Variants in RBFOX1 observed in about 807,000 individuals in gnomAD.
RBFOX1 encodes RNA binding protein fox-1 homolog 1.
RBFOX1 carries 8 observed loss-of-function variants against 57.7 expected under a neutral mutation model. The ratio of observed to expected loss-of-function variants is 0.14; its 90% CI spans 0.08 to 0.25. The LOEUF is 0.25. RBFOX1 is among the 10% of genes least tolerant of loss of function. The probability of loss-of-function intolerance (pLI) is 1.00; values close to 1 mark genes in which losing one functional copy is unlikely to be tolerated. For missense variants in RBFOX1, 611 were observed against 548.5 expected, an observed-to-expected ratio of 1.11 and a Z score of -1.14; for synonymous variants, 326 against 222.4, an observed-to-expected ratio of 1.47 and a Z score of -4.15.
At chr16:6,515,890 T>G (rs12931911) in intron 2 of RBFOX1, among the ~76,000 whole-genome samples, 33,210 of 152,186 alleles carry the variant, frequency 0.22, 4,172 homozygotes, top group Non-Finnish European at 0.29. Flanking sequence ...ATGTCAGCTT[T>G]GCATAATTTT....
At chr16:6,453,125 A>G (rs184856612) in intron 2 of RBFOX1, among the ~76,000 whole-genome samples, 2 of 151,800 alleles carry the variant, frequency 1.3e-5, no homozygotes, top group African/African-American at 2.4e-5. Context: ...TTTAATTATT[A>G]TCATCCTTTT....
intron 4 of RBFOX1, among the ~76,000 whole-genome samples, chr16:7,178,933 C>G (rs1317169312): frequency 1.3e-5 from 2 of 152,096 alleles, no homozygotes; most frequent in Non-Finnish European, 2.9e-5. Context: ...ATAGTGAAGT[C>G]TCTCTCTGTT....
At chr16:6,337,711 A>G (rs17139878) in intron 2 of RBFOX1, among the ~76,000 whole-genome samples, 1,740 of 152,320 alleles carry the variant, frequency 0.011, 28 homozygotes, top group African/African-American at 0.04. Context: ...TTGGCAAAAC[A>G]CATCTTTATA....
intron 4 of RBFOX1, among the ~76,000 whole-genome samples, chr16:7,134,543 C>A (rs1322045114): frequency 6.6e-6 from 1 of 152,100 alleles, no homozygotes; most frequent in Non-Finnish European, 1.5e-5. Context: ...TAATTTCATT[C>A]ACAGTTTCCA....
At chr16:6,636,877 A>C (rs1406506366) in intron 2 of RBFOX1, among the ~76,000 whole-genome samples, 55 of 131,860 alleles carry the variant, frequency 4.2e-4, no homozygotes, top group African/African-American at 1.5e-3. Flanking sequence ...TTATATGTTT[A>C]ATATATTTAT....
intron 1 of RBFOX1, among the ~76,000 whole-genome samples, chr16:5,393,860 A>G (rs1011223892): frequency 1.3e-5 from 2 of 152,056 alleles, no homozygotes; most frequent in African/African-American, 4.8e-5. Flanking sequence ...CACACCCATT[A>G]AACACTAACT....
At chr16:6,527,466 C>T (rs1320415238) in intron 2 of RBFOX1, among the ~76,000 whole-genome samples, 2 of 152,096 alleles carry the variant, frequency 1.3e-5, no homozygotes, top group African/African-American at 4.8e-5. Flanking sequence ...GCCTGTGAAA[C>T]ACGTGGATAA....
At chr16:6,654,134 A>T (rs1412454754) in intron 2 of RBFOX1, among the ~76,000 whole-genome samples, 1 of 151,836 alleles carries the variant, frequency 6.6e-6, no homozygotes, top group East Asian at 1.9e-4. Flanking sequence ...GTAGAGGACC[A>T]ATGAATGAAT....
At chr16:6,327,488 G>C (rs1286669547) in intron 2 of RBFOX1, among the ~76,000 whole-genome samples, 1 of 151,996 alleles carries the variant, frequency 6.6e-6, no homozygotes, top group Non-Finnish European at 1.5e-5. Flanking sequence ...TAATGGATTT[G>C]CTCATTTACA....
At chr16:5,271,748 C>T (rs1024757719) in intron 1 of RBFOX1, among the ~76,000 whole-genome samples, 7 of 152,172 alleles carry the variant, frequency 4.6e-5, no homozygotes, top group Admixed American at 2.0e-4. Flanking sequence ...TCTCCTATCC[C>T]CTACCTTTCC....
chr16:6,489,120 A>G (rs1007986304), intron 2 of RBFOX1, among the ~76,000 whole-genome samples: 5 of 152,080 alleles, frequency 3.3e-5, no homozygotes, highest in Admixed American at 1.3e-4. Flanking sequence ...TTTTTTTCCA[A>G]TTTACTTACT....
chr16:6,949,701 C>T (rs556264474), intron 3 of RBFOX1, among the ~76,000 whole-genome samples: 1 of 152,248 alleles, frequency 6.6e-6, no homozygotes, highest in Non-Finnish European at 1.5e-5. Flanking sequence ...CCTTCTAGGT[C>T]CTACCTCCAC....
chr16:5,620,598 C>A lies in RBFOX1; in HGVS notation c.318+21637C>A, dbSNP rs185955810. Among the ~76,000 whole-genome samples, 213 of 152,294 alleles carry A rather than the reference C, an allele frequency of 1.4e-3. 1 individual carries two copies. The highest frequency in any genetic ancestry group is 2.1e-3 in the Non-Finnish European group (146 of 68,018). ...TTGCTGTGTCTTCTTACGGCTTTCT[C>A]TTTGTGTCAGTATCCTCACCTCTTC... is the stretch of plus-strand genomic sequence containing the variant. On this transcript the variant is annotated intron_variant, in intron 3 of 19. Transcript: ENST00000641259.
chr16:6,082,421 C>T (rs1209672789), intron 1 of RBFOX1, among the ~76,000 whole-genome samples: 1 of 128,174 alleles, frequency 7.8e-6, no homozygotes, highest in Non-Finnish European at 1.6e-5. Flanking sequence ...TCTTGAACTC[C>T]TGACCTCAGA....
rs74009282 is a variant in RBFOX1, at chr16:7,170,728, T to G, written c.27+118630T>G. Among the ~76,000 whole-genome samples, 865 of 152,316 alleles carry G rather than the reference T, an allele frequency of 5.7e-3. 11 individuals carry two copies. Among genetic ancestry groups the G allele is most frequent in the African/African-American group, 0.02 (828 of 41,576 alleles). On this transcript the variant is annotated intron_variant, in intron 4 of 15. Coordinates refer to ENST00000550418, the MANE Select transcript of RBFOX1 (RefSeq NM_018723.4). ...CTGTATCCTCACATACAGTGAAGTT[T>G]CCATACACCTTGGTTGAATGAATGT...
intron 2 of RBFOX1, among the ~76,000 whole-genome samples, chr16:6,450,850 T>TGTATATGTATATAC (rs2094601040): frequency 1.9e-5 from 1 of 52,738 alleles, no homozygotes; most frequent in South Asian, 6.1e-4. Flanking sequence ...TATATATATA[T>TGTATATGTATATAC]ATATATATAT....
At chr16:7,635,197 A>G (rs1181463558) in intron 11 of RBFOX1, among the ~76,000 whole-genome samples, 1 of 152,204 alleles carries the variant, frequency 6.6e-6, no homozygotes, top group African/African-American at 2.4e-5. Flanking sequence ...CATGAGTTTC[A>G]TTTTCATTAG....
intron 3 of RBFOX1, among the ~76,000 whole-genome samples, chr16:6,946,703 A>T (rs552603438): frequency 3.5e-4 from 53 of 152,240 alleles, no homozygotes; most frequent in Non-Finnish European, 6.3e-4. Flanking sequence ...CCTGGGCTCA[A>T]GTGATCCTCT....
chr16:6,452,235 C>T (rs2094646507), intron 2 of RBFOX1, among the ~76,000 whole-genome samples: 1 of 151,788 alleles, frequency 6.6e-6, no homozygotes, highest in South Asian at 2.1e-4. Flanking sequence ...TGGCTCCTTC[C>T]TTCCATGACT....
Sources: gnomAD v4.1 joint callset for allele counts (sites outside exome capture counted in the v4.1 genomes callset) on GRCh38, gnomAD v4.1.1 for gene constraint, MANE v1.5 for transcripts, NCBI Gene and HGNC (gene_info 2026-07-23, HGNC 2026-07-21) for gene names.